Variants in LRRC8C observed in about 807,000 individuals in gnomAD.
LRRC8C encodes the protein leucine rich repeat containing 8 VRAC subunit C, also known as volume-regulated anion channel subunit LRRC8C.
A neutral mutation model predicts 55.3 loss-of-function variants in LRRC8C; 20 were observed. The ratio of observed to expected loss-of-function variants is 0.36; its 90% confidence interval spans 0.25 to 0.53. LRRC8C has a LOEUF of 0.53. Ranked by LOEUF, LRRC8C falls within the 20% of genes least tolerant of loss-of-function variation. LRRC8C has a pLI of 0.92. For missense variants in LRRC8C, 659 were observed against 951.4 expected, an observed-to-expected ratio of 0.69 and a Z score of 4.04; for synonymous variants, 376 against 360.7, an observed-to-expected ratio of 1.04 and a Z score of -0.48.
chr1:89,618,827 C>G, the LRRC8C span, among the ~76,000 whole-genome samples: 1 of 152,206 alleles, frequency 6.6e-6, no homozygotes, highest in Non-Finnish European at 1.5e-5. Context: ...CTCAAACAAA[C>G]TTCAGGACCT....
chr1:89,617,749 A>G, the LRRC8C span, among the ~76,000 whole-genome samples: 2 of 152,162 alleles, frequency 1.3e-5, no homozygotes, highest in Non-Finnish European at 2.9e-5. Flanking sequence ...CTTCTGCCCA[A>G]CTGGCTTCAA....
chr1:89,688,124 T>A (rs1426741594), intron 2 of LRRC8C, among the ~76,000 whole-genome samples: 2 of 152,192 alleles, frequency 1.3e-5, no homozygotes, highest in Non-Finnish European at 2.9e-5. Flanking sequence ...GGTGATTTGG[T>A]TCCAAAGTTC....
At chr1:89,673,085 T>G (rs956462869) in intron 1 of LRRC8C, among the ~76,000 whole-genome samples, 1 of 152,218 alleles carries the variant, frequency 6.6e-6, no homozygotes, top group African/African-American at 2.4e-5. Flanking sequence ...GTTGGACTTT[T>G]AAAAGTGTTT....
intron 1 of LRRC8C, among the ~76,000 whole-genome samples, chr1:89,651,917 A>G (rs1474531779): frequency 1.3e-5 from 2 of 152,236 alleles, no homozygotes; most frequent in Admixed American, 6.5e-5. Flanking sequence ...CTAATTTCCC[A>G]AAATAAGTCC....
chr1:89,618,821 A>G, the LRRC8C span, among the ~76,000 whole-genome samples: 2 of 152,240 alleles, frequency 1.3e-5, no homozygotes, highest in Non-Finnish European at 2.9e-5. Flanking sequence ...TTTTATCTCA[A>G]ACAAACTTCA....
chr1:89,621,508 C>T, the LRRC8C span, among the ~76,000 whole-genome samples: 1 of 152,070 alleles, frequency 6.6e-6, no homozygotes, highest in Admixed American at 6.6e-5. Flanking sequence ...AGAAGTCTTG[C>T]ACCACTCCTC....
chr1:89,671,877 A>G (rs185233238), intron 1 of LRRC8C, among the ~76,000 whole-genome samples: 56 of 152,306 alleles, frequency 3.7e-4, no homozygotes, highest in Admixed American at 2.1e-3. Flanking sequence ...ATTTTCACAC[A>G]TACCGTACAA....
chr1:89,639,447 T>C (rs978074446), intron 1 of LRRC8C, among the ~76,000 whole-genome samples: 1 of 152,226 alleles, frequency 6.6e-6, no homozygotes, highest in African/African-American at 2.4e-5. Flanking sequence ...TCATGGCAGC[T>C]GTGAGGACTA....
chr1:89,666,908 A>C (rs1657280472), intron 1 of LRRC8C, among the ~76,000 whole-genome samples: 1 of 152,148 alleles, frequency 6.6e-6, no homozygotes, highest in Non-Finnish European at 1.5e-5. Flanking sequence ...AGTATAACTA[A>C]ATGAGTAATA....
At chr1:89,628,697 T>C (rs552512244), upstream of LRRC8C, among the ~76,000 whole-genome samples, 1 of 152,348 alleles carries the variant, frequency 6.6e-6, no homozygotes, top group African/African-American at 2.4e-5. Context: ...CGATATAACA[T>C]TCCTTCCTCC....
intron 1 of LRRC8C, among the ~76,000 whole-genome samples, chr1:89,668,780 A>G (rs1657337147): frequency 6.6e-6 from 1 of 152,118 alleles, no homozygotes; most frequent in African/African-American, 2.4e-5. Flanking sequence ...GATAATACCT[A>G]CCTCGTGGAT....
upstream of LRRC8C, chr1:89,629,742 A>AAAGAGACAAAT (rs1656057749): frequency 6.6e-6 from 1 of 152,274 alleles, no homozygotes; most frequent in Admixed American, 6.5e-5. Context: ...CAGACTCTGT[A>AAAGAGACAAAT]GTGAAGAGGC....
chr1:89,718,944 G>A lies in LRRC8C; in HGVS notation c.*3962G>A, dbSNP rs1348287833. The A allele has an allele frequency of 6.6e-6, 1 of 152,012 alleles. No homozygotes were observed. Among genetic ancestry groups the A allele is most frequent in the Non-Finnish European group, 1.5e-5 (1 of 67,982 alleles). 9.4% of individuals were successfully genotyped at this position (152,012 alleles called of 1,614,324 possible). The stretch of plus-strand genomic sequence containing the variant: ...CTTAGAAACATTGCAAGAAACCTTG[G>A]ACAGTCTTCACCAGACCTGCCATGA... On this transcript the variant is annotated 3_prime_UTR_variant, in exon 3 of 3. Coordinates refer to ENST00000370454, the MANE Select transcript of LRRC8C (RefSeq NM_032270.5).
intron 1 of LRRC8C, among the ~76,000 whole-genome samples, chr1:89,643,220 T>C (rs1656518256): frequency 6.6e-6 from 1 of 152,126 alleles, no homozygotes; most frequent in Admixed American, 6.5e-5. Context: ...CCGTCCAGAG[T>C]AGCTGGAAGC....
Position 89,713,681 on chromosome 1 carries a change from G to A in LRRC8C, c.1111G>A (p.Ala371Thr). 2 of 1,614,138 alleles carry A rather than the reference G, an allele frequency of 1.2e-6. No homozygotes were observed. Among genetic ancestry groups the A allele is most frequent in the Non-Finnish European group, 1.7e-6 (2 of 1,180,024 alleles). The change falls in exon 3 of 3, where the codon GCT becomes ACT. Residue 371 changes from alanine to threonine, a missense_variant. By Grantham distance (58) the Ala-to-Thr change is moderately conservative (BLOSUM62 0). This residue lies in a region of LRRC8C where 200 missense variants were observed against 360.5 expected (regional missense o/e 0.55). Coordinates refer to ENST00000370454, the MANE Select transcript of LRRC8C (RefSeq NM_032270.5). This position sits in a 1 kb window ranked among gnomAD's most constrained non-coding sequence, Gnocchi z 5.2. Reference sequence around the variant, plus strand: ...TATTCCAGATGTGAAAAATGACTTTGCTTTTATGCTTCATATGATAGATCA... The same window carrying A: ...TATTCCAGATGTGAAAAATGACTTTACTTTTATGCTTCATATGATAGATCA... Reference protein sequence around the residue: ...DDIPDVKNDFAFMLHMIDQYD... With the variant: ...DDIPDVKNDFTFMLHMIDQYD...
At chr1:89,622,335 A>AATTT in the LRRC8C span, among the ~76,000 whole-genome samples, 3 of 145,422 alleles carry the variant, frequency 2.1e-5, no homozygotes, top group East Asian at 4.1e-4. Context: ...TACATGTAAA[A>AATTT]TTTTTTTTTT....
chr1:89,654,030 C>T (rs1355669448), intron 1 of LRRC8C, among the ~76,000 whole-genome samples: 1 of 152,008 alleles, frequency 6.6e-6, no homozygotes, highest in African/African-American at 2.4e-5. Context: ...GGTATATATA[C>T]ACAATGGAAT....
intron 1 of LRRC8C, among the ~76,000 whole-genome samples, chr1:89,672,057 A>G (rs916193576): frequency 6.6e-6 from 1 of 152,214 alleles, no homozygotes; most frequent in African/African-American, 2.4e-5. Flanking sequence ...ATAAACAGAA[A>G]CAAAACATTT....
intron 2 of LRRC8C, among the ~76,000 whole-genome samples, chr1:89,695,488 G>T (rs1295467687): frequency 6.6e-6 from 1 of 152,164 alleles, no homozygotes; most frequent in African/African-American, 2.4e-5. Context: ...AATGTTATAG[G>T]TGATAGATAT....
Sources: allele counts gnomAD v4.1 joint callset (sites outside exome capture counted in the v4.1 genomes callset), GRCh38; gene constraint gnomAD v4.1.1; regional missense constraint gnomAD v4.1.1; non-coding constraint Gnocchi (gnomAD v3.1); transcripts MANE v1.5; gene names NCBI Gene and HGNC (gene_info 2026-07-23, HGNC 2026-07-21).